CNTN4: variants seen among roughly 807,000 people sequenced by gnomAD.
CNTN4 encodes contactin-4.
CNTN4 carries 77 observed loss-of-function variants against 122.5 expected under a neutral mutation model. That is an observed-to-expected ratio of 0.63 (90% CI 0.52 to 0.76). CNTN4 has a LOEUF of 0.76. Ranked by LOEUF, CNTN4 falls within the 30% of genes least tolerant of loss-of-function variation. CNTN4 has a pLI of 0.00. For synonymous variants in CNTN4, 512 were observed against 447.0 expected (o/e 1.15, Z -1.83); for missense variants, 1,256 against 1,259.1 (o/e 1.00, Z 0.04).
At chr3:2,643,718 G>T (rs1429578020) in intron 4 of CNTN4, among the ~76,000 whole-genome samples, 2 of 152,084 alleles carry the variant, frequency 1.3e-5, no homozygotes, top group Non-Finnish European at 2.9e-5. Context: ...GTGGTGATGC[G>T]ATAGTCTCCA....
At chr3:2,220,054 A>G (rs2039001224) in intron 2 of CNTN4, among the ~76,000 whole-genome samples, 1 of 152,094 alleles carries the variant, frequency 6.6e-6, no homozygotes, top group East Asian at 1.9e-4. Context: ...ACAATTACTC[A>G]TTTCTTCTCT....
At chr3:2,763,472 A>T (rs1398526741) in intron 6 of CNTN4, among the ~76,000 whole-genome samples, 1 of 152,174 alleles carries the variant, frequency 6.6e-6, no homozygotes, top group African/African-American at 2.4e-5. Context: ...GCTGTGCAGA[A>T]GATCTTCAGT....
chr3:2,327,346 C>A (rs1448733994), intron 2 of CNTN4, among the ~76,000 whole-genome samples: 1 of 152,104 alleles, frequency 6.6e-6, no homozygotes, highest in Non-Finnish European at 1.5e-5. Context: ...AGTAAAGTGG[C>A]AAAATATTAT....
At chr3:2,519,926 G>A (rs2077150965) in intron 3 of CNTN4, among the ~76,000 whole-genome samples, 1 of 152,094 alleles carries the variant, frequency 6.6e-6, no homozygotes, top group South Asian at 2.1e-4. Flanking sequence ...CTGTGTTAAT[G>A]ATCCATCTTG....
At position 2,827,358 on chromosome 3, in the gene CNTN4, A is replaced by G. The variant is rs1314655059; in HGVS notation, c.454+7777A>G. Among the ~76,000 whole-genome samples the G allele has an allele frequency of 2.0e-5, 3 of 152,246 alleles. No individual in the cohort carries two copies. The East Asian group carries it at 5.8e-4, about 29-fold the overall frequency. ...AAATCTGTTATGAGGATGAAAAGAC[A>G]TAACAAATGTGGCAGCAATTTGCAC... On this transcript the variant is annotated intron_variant, in intron 7 of 24. Coordinates refer to ENST00000418658, the MANE Select transcript of CNTN4 (RefSeq NM_175607.3).
intron 3 of CNTN4, among the ~76,000 whole-genome samples, chr3:2,461,354 T>TTAA (rs140312665): frequency 0.019 from 2,845 of 152,298 alleles, 89 homozygotes; most frequent in African/African-American, 0.064. Context: ...AATTAATTAG[T>TTAA]TAACATTAAT....
intron 4 of CNTN4, among the ~76,000 whole-genome samples, chr3:2,698,604 G>A (rs572035259): frequency 1.3e-5 from 2 of 152,214 alleles, no homozygotes; most frequent in South Asian, 2.1e-4. Flanking sequence ...TTCTAAGTCC[G>A]TACAGCTAGA....
chr3:2,771,928 G>A (rs2091119132), intron 6 of CNTN4, among the ~76,000 whole-genome samples: 1 of 152,154 alleles, frequency 6.6e-6, no homozygotes. Flanking sequence ...CAAGAGAGCT[G>A]GCAGGGTGTT....
At chr3:2,984,857 T>C (rs1380133063) in intron 13 of CNTN4, among the ~76,000 whole-genome samples, 1 of 152,260 alleles carries the variant, frequency 6.6e-6, no homozygotes, top group Non-Finnish European at 1.5e-5. Flanking sequence ...ACCTTACATA[T>C]TGAATTCTCA....
At position 2,916,951 on chromosome 3, in the gene CNTN4, G is replaced by T. The variant is rs541328147; in HGVS notation, c.1208-8678G>T. ...GGCACTTTGGGAGGCCAAGGCAGGC[G>T]GCTGGGAGGTGGAGGTTGCAGCGAG... is the stretch of plus-strand genomic sequence containing the variant. On this transcript the variant is annotated intron_variant, in intron 12 of 24. Transcript: ENST00000418658. Among the ~76,000 whole-genome samples the T allele has an allele frequency of 2.6e-3, 372 of 143,334 alleles. 2 individuals are homozygous for T. Among genetic ancestry groups the T allele is most frequent in the African/African-American group, 9.1e-3 (348 of 38,102 alleles). 94.0% of individuals were successfully genotyped at this position (143,334 alleles called of 152,430 possible).
intron 4 of CNTN4, among the ~76,000 whole-genome samples, chr3:2,646,884 A>G (rs1328931271): frequency 1.3e-5 from 2 of 152,170 alleles, no homozygotes; most frequent in Non-Finnish European, 1.5e-5. Flanking sequence ...GGTTTCATTT[A>G]ACTTAATTAC....
intron 3 of CNTN4, among the ~76,000 whole-genome samples, chr3:2,560,821 C>T (rs931521733): frequency 6.6e-5 from 10 of 152,124 alleles, no homozygotes; most frequent in African/African-American, 1.2e-4. Flanking sequence ...TCGTACTGCA[C>T]GTCAGTTACT....
At position 2,575,428 on chromosome 3, in the gene CNTN4, T is replaced by C. The variant is rs531861981; in HGVS notation, c.55+3870T>C. Among the ~76,000 whole-genome samples the C allele has an allele frequency of 4.0e-5, 6 of 151,670 alleles. No individual in the cohort carries two copies. In the East Asian group the frequency reaches 1.2e-3, roughly 29 times the overall value. ...CGGGAGGCTGAGGCATGAGAATCAC[T>C]TGAACCCGGAAGGCAGAGGTTGCAG... is the stretch of plus-strand genomic sequence containing the variant. On this transcript the variant is annotated intron_variant, in intron 4 of 24. Coordinates refer to ENST00000418658, the MANE Select transcript of CNTN4 (RefSeq NM_175607.3).
chr3:2,674,266 C>A (rs1427950788), intron 4 of CNTN4, among the ~76,000 whole-genome samples: 1 of 151,816 alleles, frequency 6.6e-6, no homozygotes, highest in South Asian at 2.1e-4. Flanking sequence ...TTCCTCATCA[C>A]GTTTTTTTTT....
intron 2 of CNTN4, among the ~76,000 whole-genome samples, chr3:2,285,020 GAT>G (rs2041851873): frequency 6.6e-6 from 1 of 151,864 alleles, no homozygotes; most frequent in African/African-American, 2.4e-5. Flanking sequence ...TATCTAATAA[GAT>G]ACGTTTTTAT....
intron 4 of CNTN4, among the ~76,000 whole-genome samples, chr3:2,703,684 C>T (rs1226106359): frequency 1.3e-5 from 2 of 151,774 alleles, no homozygotes; most frequent in South Asian, 2.1e-4. Context: ...CTTAAATAAA[C>T]ATTAAATGAA....
chr3:2,873,137 G>A (rs749564022), intron 8 of CNTN4, among the ~76,000 whole-genome samples: 14 of 152,150 alleles, frequency 9.2e-5, no homozygotes, highest in Admixed American at 2.6e-4. Context: ...AGTCCCAGAC[G>A]TACCAGCAGC....
chr3:2,468,010 G>A (rs2075562104), intron 3 of CNTN4, among the ~76,000 whole-genome samples: 1 of 152,170 alleles, frequency 6.6e-6, no homozygotes, highest in Admixed American at 6.5e-5. Context: ...GTTATACCCA[G>A]ACCCAGGCTC....
At chr3:2,549,851 C>T (rs2078411695) in intron 3 of CNTN4, among the ~76,000 whole-genome samples, 1 of 152,104 alleles carries the variant, frequency 6.6e-6, no homozygotes, top group African/African-American at 2.4e-5. Flanking sequence ...GGTTGGTAGG[C>T]TATTAATTAC....
Sources: gnomAD v4.1 joint callset for allele counts (sites outside exome capture counted in the v4.1 genomes callset) on GRCh38, gnomAD v4.1.1 for gene constraint, MANE v1.5 for transcripts, NCBI Gene and HGNC (gene_info 2026-07-23, HGNC 2026-07-21) for gene names.